Variants in NR2F1-AS1 observed in about 807,000 individuals in gnomAD.
NR2F1-AS1 encodes NR2F1 regulatory antisense RNA 1.
intron 4 of NR2F1-AS1, among the ~76,000 whole-genome samples, chr5:93,541,555 T>C (rs1422699062): frequency 6.6e-6 from 1 of 152,190 alleles, no homozygotes; most frequent in African/African-American, 2.4e-5. Context: ...TTGGTTGGTA[T>C]ACCTGTGGGG....
chr5:93,424,069 T>C (rs1749145770), intron 4 of NR2F1-AS1, among the ~76,000 whole-genome samples: 1 of 152,154 alleles, frequency 6.6e-6, no homozygotes, highest in African/African-American at 2.4e-5. Context: ...CCCCTCACTA[T>C]TGCTAGCTGG....
At chr5:93,455,876 T>C (rs889213538) in intron 4 of NR2F1-AS1, among the ~76,000 whole-genome samples, 1 of 151,636 alleles carries the variant, frequency 6.6e-6, no homozygotes, top group Non-Finnish European at 1.5e-5. Flanking sequence ...CCTGAAAAGA[T>C]GCAGAGAAAG....
chr5:93,529,394 G>A (rs151150955), intron 4 of NR2F1-AS1, among the ~76,000 whole-genome samples: 31 of 152,202 alleles, frequency 2.0e-4, no homozygotes, highest in African/African-American at 7.0e-4. Context: ...TCTTAGTAAC[G>A]CTTGGATTAC....
intron 4 of NR2F1-AS1, among the ~76,000 whole-genome samples, chr5:93,526,327 A>G (rs1351459633): frequency 6.6e-6 from 1 of 152,154 alleles, no homozygotes; most frequent in Non-Finnish European, 1.5e-5. Context: ...GAACAATAAC[A>G]AGTTCTGAAA....
At chr5:93,509,209 A>C (rs950615865) in intron 4 of NR2F1-AS1, among the ~76,000 whole-genome samples, 1 of 152,162 alleles carries the variant, frequency 6.6e-6, no homozygotes, top group Non-Finnish European at 1.5e-5. Context: ...GCTGAGTAAA[A>C]AAACAAGCTC....
intron 4 of NR2F1-AS1, among the ~76,000 whole-genome samples, chr5:93,415,742 T>C (rs1400689351): frequency 1.3e-5 from 2 of 152,338 alleles, no homozygotes; most frequent in South Asian, 2.1e-4. Flanking sequence ...CCACTGTTCA[T>C]GCATACACTG....
upstream of NR2F1-AS1, among the ~76,000 whole-genome samples, chr5:93,581,997 CCTCTCTT>C (rs1388793022): frequency 2.7e-5 from 3 of 110,716 alleles, no homozygotes; most frequent in Non-Finnish European, 5.3e-5. Context: ...TCTCCCCTCT[CCTCTCTT>C]CTCTCTCTCT....
chr5:93,556,139 TG>T (rs1486846182), intron 2 of NR2F1-AS1, among the ~76,000 whole-genome samples: 1 of 152,158 alleles, frequency 6.6e-6, no homozygotes, highest in Non-Finnish European at 1.5e-5. Flanking sequence ...TAGCACTCTC[TG>T]GCCCCGAATG....
chr5:93,497,669 A>G (rs1404542801), intron 4 of NR2F1-AS1, among the ~76,000 whole-genome samples: 1 of 152,180 alleles, frequency 6.6e-6, no homozygotes, highest in Non-Finnish European at 1.5e-5. Flanking sequence ...ACTATCCTCA[A>G]AGTATACTTA....
chr5:93,442,860 G>C (rs952771382), intron 4 of NR2F1-AS1, among the ~76,000 whole-genome samples: 4 of 152,200 alleles, frequency 2.6e-5, no homozygotes, highest in Non-Finnish European at 5.9e-5. Flanking sequence ...GGAAGGATCA[G>C]GCAGCAACAT....
intron 1 of NR2F1-AS1, among the ~76,000 whole-genome samples, chr5:93,565,267 G>C (rs1051269674): frequency 1.3e-5 from 2 of 152,214 alleles, no homozygotes; most frequent in South Asian, 4.1e-4. Flanking sequence ...ATTACACCTA[G>C]AAAGACAGCA....
intron 1 of NR2F1-AS1, among the ~76,000 whole-genome samples, chr5:93,574,206 TG>T (rs1752842477): frequency 6.6e-6 from 1 of 151,660 alleles, no homozygotes; most frequent in African/African-American, 2.4e-5. Flanking sequence ...GAAGAGCAAG[TG>T]GGAGTGAGCA....
At chr5:93,503,224 T>C (rs891229338) in intron 4 of NR2F1-AS1, among the ~76,000 whole-genome samples, 9 of 152,288 alleles carry the variant, frequency 5.9e-5, no homozygotes, top group African/African-American at 1.9e-4. Context: ...TCAAGTGACA[T>C]TAAACAGAGT....
chr5:93,515,320 C>T (rs1751378612), intron 4 of NR2F1-AS1, among the ~76,000 whole-genome samples: 1 of 151,844 alleles, frequency 6.6e-6, no homozygotes, highest in Admixed American at 6.6e-5. Context: ...TGTATCAAAA[C>T]TCTTACACTA....
At chr5:93,553,677 TAAGACA>T (rs1345441784) in intron 4 of NR2F1-AS1, 1 of 152,210 alleles carries the variant, frequency 6.6e-6, no homozygotes, top group East Asian at 1.9e-4. Context: ...AAACAAAGTT[TAAGACA>T]AACTGTTGTT....
chr5:93,533,239 TA>T (rs1279565851), intron 4 of NR2F1-AS1, among the ~76,000 whole-genome samples: 1 of 152,198 alleles, frequency 6.6e-6, no homozygotes, highest in Non-Finnish European at 1.5e-5. Flanking sequence ...GATTTTTTTT[TA>T]AACTGGGAAA....
At chr5:93,454,025 T>G (rs920672945) in intron 4 of NR2F1-AS1, among the ~76,000 whole-genome samples, 3 of 152,182 alleles carry the variant, frequency 2.0e-5, no homozygotes, top group Non-Finnish European at 4.4e-5. Flanking sequence ...GCCTATAATC[T>G]CAGCACTTTG....
intron 4 of NR2F1-AS1, among the ~76,000 whole-genome samples, chr5:93,474,810 T>C (rs531893179): frequency 2.6e-5 from 4 of 152,300 alleles, no homozygotes; most frequent in African/African-American, 7.2e-5. Context: ...GGGGAGAACA[T>C]AGACATTCAG....
intron 4 of NR2F1-AS1, among the ~76,000 whole-genome samples, chr5:93,444,633 C>T (rs546148051): frequency 7.9e-4 from 120 of 152,286 alleles, no homozygotes; most frequent in African/African-American, 2.8e-3. Flanking sequence ...CAACATTAGA[C>T]AGATCAATGA....
Sources: allele counts gnomAD v4.1 joint callset (sites outside exome capture counted in the v4.1 genomes callset), GRCh38; gene constraint gnomAD v4.1.1; transcripts MANE v1.5; gene names NCBI Gene and HGNC (gene_info 2026-07-23, HGNC 2026-07-21).